Variants in KANSL3 observed in about 807,000 individuals in gnomAD.
KANSL3 encodes NSL complex protein NSL3.
In KANSL3, 16 loss-of-function variants were observed where a neutral mutation model predicts 89.2. The observed-to-expected ratio is 0.18, with a 90% CI of 0.12 to 0.27. The LOEUF is 0.27. Ranked by LOEUF, KANSL3 falls within the 10% of genes least tolerant of loss-of-function variation. The pLI is 1.00. For synonymous variants in KANSL3, 385 were observed against 419.7 expected (o/e 0.92, Z 1.01); for missense variants, 879 against 1,110.6 (o/e 0.79, Z 2.96).
chr2:96,595,661 C>A, intron 20 of KANSL3, 30 bp from the exon 21 acceptor site: 2 of 1,612,978 alleles, frequency 1.2e-6, no homozygotes, highest in South Asian at 2.2e-5. Flanking sequence ...GAAGAAGGGT[C>A]AAAGCTTTGA....
chr2:96,622,741 C>T (rs966138144), intron 3 of KANSL3, among the ~76,000 whole-genome samples: 1 of 152,224 alleles, frequency 6.6e-6, no homozygotes, highest in African/African-American at 2.4e-5. Flanking sequence ...CTGATCCTCA[C>T]TTACTTCAGT....
intron 2 of KANSL3, chr2:96,636,608 A>T (rs950727465): frequency 1.1e-5 from 3 of 274,836 alleles, no homozygotes; most frequent in Non-Finnish European, 2.1e-5. Context: ...TTTTAAAATC[A>T]ACTTTTCAGT....
At chr2:96,585,162 T>C in the KANSL3 span, among the ~76,000 whole-genome samples, 5 of 152,048 alleles carry the variant, frequency 3.3e-5, no homozygotes, top group African/African-American at 4.8e-5. Flanking sequence ...CTAAAAAGCT[T>C]CTGCACAGCA....
At chr2:96,609,661 C>A in intron 11 of KANSL3, 99 bp from the exon 12 acceptor site, 1 of 1,178,460 alleles carries the variant, frequency 8.5e-7, no homozygotes, top group Non-Finnish European at 1.3e-6. Flanking sequence ...TATTTTCTAG[C>A]CCCAGAAGGA....
At chr2:96,636,721 T>A (rs949959435) in intron 2 of KANSL3, 200 bp downstream of exon 2, 1 of 455,356 alleles carries the variant, frequency 2.2e-6, no homozygotes, top group African/African-American at 2.0e-5. Context: ...CACGTCTTGC[T>A]TTCCTAACTC....
intron 3 of KANSL3, among the ~76,000 whole-genome samples, chr2:96,630,330 T>C (rs1161028940): frequency 6.6e-6 from 1 of 152,282 alleles, no homozygotes; most frequent in African/African-American, 2.4e-5. Context: ...CAATGTAATG[T>C]CATTTGGCAA....
chr2:96,610,612 G>T, intron 11 of KANSL3, 114 bp downstream of exon 11: 2 of 1,261,740 alleles, frequency 1.6e-6, no homozygotes, highest in Non-Finnish European at 1.1e-6. Context: ...ACCGCGCCCG[G>T]CTAATGCTGT....
chr2:96,630,651 T>C (rs989848141), intron 3 of KANSL3, among the ~76,000 whole-genome samples: 1 of 152,230 alleles, frequency 6.6e-6, no homozygotes, highest in Non-Finnish European at 1.5e-5. Context: ...ACTGTACATA[T>C]TAAATAGCTG....
At chr2:96,633,247 T>C (rs2073726750) in intron 2 of KANSL3, among the ~76,000 whole-genome samples, 1 of 149,974 alleles carries the variant, frequency 6.7e-6, no homozygotes, top group African/African-American at 2.5e-5. Context: ...GACAGAGACC[T>C]CGGCCCAAAA....
At chr2:96,615,893 G>A (rs76652734) in intron 5 of KANSL3, among the ~76,000 whole-genome samples, 4 of 152,192 alleles carry the variant, frequency 2.6e-5, no homozygotes, top group African/African-American at 7.2e-5. Context: ...GGGAAAGACC[G>A]ATAACTGCCA....
chr2:96,606,894 G>A (rs2068064020), intron 14 of KANSL3: 1 of 765,592 alleles, frequency 1.3e-6, no homozygotes, highest in Non-Finnish European at 1.9e-6. Flanking sequence ...GCAGATGAGA[G>A]GCAGAGATGG....
intron 2 of KANSL3, 93 bp downstream of exon 2, chr2:96,636,828 C>T: frequency 9.3e-7 from 1 of 1,070,980 alleles, no homozygotes; most frequent in Non-Finnish European, 1.3e-6. Flanking sequence ...CTCATACAAT[C>T]TCCCCCAGTC....
chr2:96,601,707 G>C lies in KANSL3; in HGVS notation c.2552C>G (p.Pro851Arg), dbSNP rs1484803964. 34 of 1,612,776 alleles carry C rather than the reference G, an allele frequency of 2.1e-5. No individual in the cohort carries two copies. The highest frequency in any genetic ancestry group is 1.6e-4 in the Middle Eastern group (1 of 6,080). The stretch of plus-strand genomic sequence containing the variant: ...GGATGGGGCTGCTCCTGAGCCCATA[G>C]GGCTCAGTGTAGTGATCCTGCTCGG... ...GQPSRITTLSPMGSGAAPSEE... is the reference protein window; with the variant it reads ...GQPSRITTLSRMGSGAAPSEE... Residue 851 changes from proline (P) to arginine (R), a missense_variant, in exon 20 of 21, where the codon CCT becomes CGT. Coordinates refer to ENST00000431828, the MANE Select transcript of KANSL3 (RefSeq NM_001115016.3).
At chr2:96,582,253 C>G in the KANSL3 span, among the ~76,000 whole-genome samples, 1 of 152,006 alleles carries the variant, frequency 6.6e-6, no homozygotes, top group Non-Finnish European at 1.5e-5. Flanking sequence ...CAAAAATTAG[C>G]CGGGCATGGT....
chr2:96,601,811 C>G (rs201762006), intron 19 of KANSL3, 35 bp from the exon 20 acceptor site: 29 of 1,522,650 alleles, frequency 1.9e-5, no homozygotes, highest in Non-Finnish European at 2.4e-5. Flanking sequence ...ATTTTTGAGT[C>G]ACACTCTCCA....
chr2:96,597,470 C>T (rs965891603), intron 20 of KANSL3, among the ~76,000 whole-genome samples: 2 of 152,226 alleles, frequency 1.3e-5, no homozygotes. Context: ...AGTGCTCTGT[C>T]TGGCAATCTG....
chr2:96,620,039 G>T (rs1558740030), intron 3 of KANSL3, among the ~76,000 whole-genome samples: 1 of 152,118 alleles, frequency 6.6e-6, no homozygotes, highest in Admixed American at 6.5e-5. Context: ...CATGAAAAAA[G>T]TCTTTCAGGC....
Position 96,593,926 on chromosome 2 carries a change from A to C in KANSL3, c.*1685T>G, listed in dbSNP as rs1053538656. 2.0e-5 allele frequency: 3 copies of C among 152,546 alleles called. No individual in the cohort carries two copies. Among genetic ancestry groups the C allele is most frequent in the African/African-American group, 7.2e-5 (3 of 41,440 alleles). 9.4% of individuals were successfully genotyped at this position (152,546 alleles called of 1,614,324 possible). A position where few individuals can be genotyped will look rare whatever the true frequency, so the allele number is the denominator to read the frequency against. ...ACTTTCTGAATTTAAGAATTTTGAG[A>C]AAGTCACCTACCAGCTAATGCAAAA... On this transcript the variant is annotated 3_prime_UTR_variant, in exon 21 of 21. Transcript: ENST00000431828.
chr2:96,631,264 T>C (rs1208421047), intron 3 of KANSL3, 48 bp downstream of exon 3: 10 of 1,330,020 alleles, frequency 7.5e-6, no homozygotes, highest in Non-Finnish European at 1.1e-5. Flanking sequence ...ATGAAGATGA[T>C]ACAAAATAAT....
Sources: gnomAD v4.1 joint callset for allele counts (sites outside exome capture counted in the v4.1 genomes callset) on GRCh38, gnomAD v4.1.1 for gene constraint, MANE v1.5 for transcripts, NCBI Gene and HGNC (gene_info 2026-07-23, HGNC 2026-07-21) for gene names.